Variants in XPO1 observed in about 807,000 individuals in gnomAD.
XPO1 encodes the protein exportin-1.
Under a neutral mutation model 133.3 loss-of-function variants are expected in XPO1, and 5 were observed. That is an observed-to-expected ratio of 0.04 (90% CI 0.02 to 0.08). XPO1 has a LOEUF of 0.08. XPO1 is among the 10% of genes least tolerant of loss of function. The pLI is 1.00. For synonymous variants in XPO1, 419 were observed against 408.2 expected (o/e 1.03, Z -0.32); for missense variants, 506 against 1,267.5 (o/e 0.40, Z 9.12).
At position 61,485,789 on chromosome 2, in the gene XPO1, G is replaced by A. The variant is rs775995765; in HGVS notation, c.2487C>T (p.Cys829=). The change falls in exon 20 of 25, where the codon TGC becomes TGT. Residue 829 remains cysteine, a synonymous_variant. Coordinates refer to ENST00000401558, the MANE Select transcript of XPO1 (RefSeq NM_003400.4). ...IPQIFDAVFE[C]TLNMINKDFE... ...ACACCTTATTTATCATATTCAATGT[G>A]CATTCAAAAACAGCATCAAATATTT... 6.2e-7 allele frequency: 1 copy of A among 1,612,522 alleles called. No individual in the cohort carries two copies.
chr2:61,478,194 CACAAAA>C lies in XPO1; in HGVS notation c.*620_*625del, dbSNP rs1347018179. 8.6e-6 allele frequency: 2 copies of C among 233,486 alleles called. No homozygotes were observed. Among genetic ancestry groups the C allele is most frequent in the Admixed American group, 5.6e-5 (1 of 17,766 alleles). 14.5% of individuals were successfully genotyped at this position (233,486 alleles called of 1,614,324 possible). A position where few individuals can be genotyped will look rare whatever the true frequency, so the allele number is the denominator to read the frequency against. On this transcript the variant is annotated 3_prime_UTR_variant, in exon 25 of 25. Transcript: ENST00000401558. The stretch of plus-strand genomic sequence containing the variant: ...TTGTCGACAAGCGACAGCACACACA[CACAAAA>C]ACAAAAAGAACTGTGTAAAAATAAC...
intron 16 of XPO1, 52 bp downstream of exon 16, chr2:61,491,983 T>A: frequency 6.3e-7 from 1 of 1,592,902 alleles, no homozygotes; most frequent in Non-Finnish European, 8.6e-7. Context: ...TACATACAGA[T>A]TGATACAAGT....
intron 2 of XPO1, among the ~76,000 whole-genome samples, chr2:61,532,292 T>C (rs1043407568): frequency 9.2e-5 from 14 of 151,830 alleles, no homozygotes; most frequent in Non-Finnish European, 7.4e-5. Context: ...CACGCCTGGC[T>C]AATTTTTTGT....
chr2:61,502,468 G>A (rs553079030), intron 4 of XPO1, 158 bp from the exon 5 acceptor site: 36 of 668,270 alleles, frequency 5.4e-5, no homozygotes, highest in East Asian at 3.9e-4. Context: ...AAAAAATTCC[G>A]GCCCGGTGCG....
intron 4 of XPO1, among the ~76,000 whole-genome samples, chr2:61,511,771 CT>C (rs753957561): frequency 6.7e-6 from 1 of 149,772 alleles, no homozygotes; most frequent in African/African-American, 2.5e-5. Flanking sequence ...TCTTTTTTTT[CT>C]TTTTGAGACG....
chr2:61,513,191 C>A (rs573972956), intron 4 of XPO1, among the ~76,000 whole-genome samples: 1 of 151,674 alleles, frequency 6.6e-6, no homozygotes, highest in South Asian at 2.1e-4. Flanking sequence ...TCCTGGCAGT[C>A]GGGATTACAG....
chr2:61,498,264 T>G (rs778820787), intron 9 of XPO1, among the ~76,000 whole-genome samples: 2 of 152,212 alleles, frequency 1.3e-5, no homozygotes, highest in African/African-American at 2.4e-5. Context: ...CTGGCTGTTT[T>G]GTATTTTTAG....
intron 1 of XPO1, chr2:61,534,716 A>T (rs1014672791): frequency 6.6e-6 from 1 of 152,190 alleles, no homozygotes; most frequent in Non-Finnish European, 1.5e-5. Flanking sequence ...TGATGTTAAA[A>T]ATTAAAATGT....
At chr2:61,512,359 G>A (rs970204674) in intron 4 of XPO1, among the ~76,000 whole-genome samples, 6 of 152,142 alleles carry the variant, frequency 3.9e-5, no homozygotes, top group Non-Finnish European at 7.3e-5. Flanking sequence ...TTAGGAAATA[G>A]GGTTTCTGCT....
At chr2:61,499,519 T>C (rs1341894017) in intron 7 of XPO1, among the ~76,000 whole-genome samples, 194 bp downstream of exon 7, 2 of 152,226 alleles carry the variant, frequency 1.3e-5, no homozygotes, top group African/African-American at 4.8e-5. Context: ...TCTTGAACAA[T>C]TCATTTTTCA....
chr2:61,494,893 G>A (rs920124469), intron 11 of XPO1: 1 of 151,724 alleles, frequency 6.6e-6, no homozygotes, highest in African/African-American at 2.4e-5. Context: ...TCAGGCTGGA[G>A]TGCAGTACTG....
chr2:61,515,947 A>ACG (rs1698365234), intron 4 of XPO1, among the ~76,000 whole-genome samples: 1 of 55,414 alleles, frequency 1.8e-5, no homozygotes, highest in Non-Finnish European at 4.8e-5. Flanking sequence ...CCACACACAC[A>ACG]CACACACACA....
At chr2:61,481,518 G>A (rs533043463) in intron 23 of XPO1, among the ~76,000 whole-genome samples, 3 of 151,744 alleles carry the variant, frequency 2.0e-5, no homozygotes, top group Admixed American at 1.3e-4. Context: ...GAGTACAATC[G>A]CACAATCGCG....
chr2:61,504,951 T>C (rs1697722538), intron 4 of XPO1, among the ~76,000 whole-genome samples: 2 of 152,214 alleles, frequency 1.3e-5, no homozygotes, highest in Non-Finnish European at 2.9e-5. Flanking sequence ...TAAGTGTCAA[T>C]ATGCATAGTA....
intron 4 of XPO1, among the ~76,000 whole-genome samples, chr2:61,512,058 C>T (rs1241934333): frequency 5.9e-5 from 9 of 152,148 alleles, no homozygotes; most frequent in Admixed American, 5.9e-4. Flanking sequence ...CGTGAGACAT[C>T]GCACCAGGCA....
chr2:61,524,982 G>A (rs751951087), intron 3 of XPO1, among the ~76,000 whole-genome samples: 1 of 151,390 alleles, frequency 6.6e-6, no homozygotes, highest in African/African-American at 2.4e-5. Flanking sequence ...AGTCAAATCT[G>A]AAAGCCAATG....
chr2:61,520,027 C>T (rs1432141478), intron 4 of XPO1, among the ~76,000 whole-genome samples: 1 of 152,124 alleles, frequency 6.6e-6, no homozygotes, highest in Non-Finnish European at 1.5e-5. Flanking sequence ...CTGTGACATA[C>T]AGCACTTTGA....
chr2:61,508,073 G>C (rs1697914271), intron 4 of XPO1, among the ~76,000 whole-genome samples: 1 of 151,586 alleles, frequency 6.6e-6, no homozygotes, highest in Admixed American at 6.6e-5. Flanking sequence ...ATCCAAAGTT[G>C]GTAGGTCAGG....
At chr2:61,491,557 G>A (rs1257939590) in intron 16 of XPO1, among the ~76,000 whole-genome samples, 1 of 150,448 alleles carries the variant, frequency 6.6e-6, no homozygotes, top group East Asian at 2.0e-4. Flanking sequence ...ATTTTACATA[G>A]GACAACAGCC....
Sources: gnomAD v4.1 joint callset for allele counts (sites outside exome capture counted in the v4.1 genomes callset) on GRCh38, gnomAD v4.1.1 for gene constraint, MANE v1.5 for transcripts, NCBI Gene and HGNC (gene_info 2026-07-23, HGNC 2026-07-21) for gene names.